The following LRRK2 variants were observed in gnomAD, a reference collection of about 807,000 sequenced individuals.
LRRK2 encodes leucine-rich repeat serine/threonine-protein kinase 2.
In LRRK2, 203 loss-of-function variants were observed where a neutral mutation model predicts 302.6. The ratio of observed to expected loss-of-function variants is 0.67; its 90% CI spans 0.60 to 0.75. LRRK2 has a LOEUF of 0.75. Ranked by LOEUF, LRRK2 falls within the 30% of genes least tolerant of loss-of-function variation. LRRK2 has a pLI of 0.00. For synonymous variants in LRRK2, 1,066 were observed against 1,031.9 expected, an observed-to-expected ratio of 1.03 and a Z score of -0.63; for missense variants, 2,830 against 2,951.0, an observed-to-expected ratio of 0.96 and a Z score of 0.95.
intron 16 of LRRK2, 141 bp from the exon 17 acceptor site, chr12:40,277,747 C>A: frequency 1.3e-6 from 1 of 754,402 alleles, no homozygotes; most frequent in Non-Finnish European, 2.1e-6. Context: ...AGGATAAATA[C>A]TTTAAAGCAC....
rs201980459 is a variant in LRRK2 at position 40,295,512 on chromosome 12, C to A, written c.2964C>A (p.Asp988Glu). 4 of 1,613,916 alleles carry A rather than the reference C, an allele frequency of 2.5e-6. No homozygotes were observed. Among genetic ancestry groups the A allele is most frequent in the South Asian group, 2.2e-5 (2 of 91,084 alleles). ...AGAGAGAATATATTACATCACTAGA[C>A]CTTTCAGCAAATGAACTAAGAGATA... is the stretch of plus-strand genomic sequence containing the variant. ...ASEREYITSL[D>E]LSANELRDID... The change falls in exon 23 of 51, where the codon GAC becomes GAA. Residue 988 changes from aspartate to glutamate, a missense_variant. Physicochemically the swap from Asp to Glu is conservative, Grantham distance 45 (BLOSUM62 2). Coordinates refer to ENST00000298910, the MANE Select transcript of LRRK2 (RefSeq NM_198578.4).
chr12:40,255,657 T>C (rs1942469025), intron 11 of LRRK2, among the ~76,000 whole-genome samples: 1 of 152,086 alleles, frequency 6.6e-6, no homozygotes, highest in African/African-American at 2.4e-5. Context: ...AACCCTGGAG[T>C]TGAGACCCAG....
intron 29 of LRRK2, 46 bp downstream of exon 29, chr12:40,308,742 T>C: frequency 1.3e-6 from 2 of 1,554,422 alleles, no homozygotes; most frequent in South Asian, 2.3e-5. Flanking sequence ...ACCATTTGTT[T>C]GGAACAGGGA....
intron 7 of LRRK2, among the ~76,000 whole-genome samples, chr12:40,244,094 A>T (rs1044238224): frequency 6.6e-6 from 1 of 152,126 alleles, no homozygotes; most frequent in Non-Finnish European, 1.5e-5. Flanking sequence ...TAAATGTTGT[A>T]TATTCCCAGT....
intron 12 of LRRK2, 63 bp from the exon 13 acceptor site, chr12:40,259,417 T>A (rs1942671158): frequency 6.2e-7 from 1 of 1,600,710 alleles, no homozygotes; most frequent in Admixed American, 1.7e-5. Context: ...TTATTTCAAT[T>A]TGGTGTTTAT....
chr12:40,275,083 G>T lies in LRRK2; in HGVS notation c.1941+90G>T. The stretch of plus-strand genomic sequence containing the variant: ...GTAATTCCCACTTTGCATGAATGGG[G>T]TATTCTAGTTAATGGAAAACCATTT... On this transcript the variant is annotated intron_variant, in intron 16 of 50. Transcript: ENST00000298910. The T allele has an allele frequency of 8.8e-6, 12 of 1,368,722 alleles. No homozygotes were observed. In the East Asian group the frequency reaches 2.5e-4, roughly 29 times the overall value. 84.8% of individuals were successfully genotyped at this position (1,368,722 alleles called of 1,614,324 possible).
At chr12:40,313,551 C>T (rs1417101894) in intron 31 of LRRK2, among the ~76,000 whole-genome samples, 1 of 151,854 alleles carries the variant, frequency 6.6e-6, no homozygotes, top group African/African-American at 2.4e-5. Context: ...AATATTTTAC[C>T]TTGAATATTT....
At chr12:40,367,207 A>G in intron 50 of LRRK2, 130 bp downstream of exon 50, 1 of 750,386 alleles carries the variant, frequency 1.3e-6, no homozygotes, top group Non-Finnish European at 2.2e-6. Context: ...GGTAGTTTAT[A>G]GTGTAAAGAA....
rs565710677 is a variant in LRRK2 at position 40,310,656 on chromosome 12, T to C, written c.4536+7T>C. ...CGAGAGCCTTAATTTCAAGGTAACA[T>C]GGTAGGCTGGTAGAGAAATGTAATT... is the stretch of plus-strand genomic sequence containing the variant. On this transcript the variant is annotated splice_region_variant and intron_variant, in intron 31 of 50. Coordinates refer to ENST00000298910, the MANE Select transcript of LRRK2 (RefSeq NM_198578.4). The C allele has an allele frequency of 1.9e-6, 3 of 1,611,598 alleles. No individual in the cohort carries two copies. Among genetic ancestry groups the C allele is most frequent in the East Asian group, 4.5e-5 (2 of 44,852 alleles).
intron 4 of LRRK2, 50 bp from the exon 5 acceptor site, chr12:40,237,919 A>G (rs1565670072): frequency 1.3e-6 from 2 of 1,574,064 alleles, no homozygotes; most frequent in Non-Finnish European, 8.7e-7. Context: ...TTAACACATT[A>G]AATGTTAAAG....
intron 31 of LRRK2, chr12:40,312,748 C>G (rs913459308): frequency 6.6e-6 from 1 of 151,888 alleles, no homozygotes; most frequent in Non-Finnish European, 1.5e-5. Context: ...GACGTAGTCC[C>G]GTAAAACTCA....
chr12:40,276,361 TCTCAG>T (rs1468592784), intron 16 of LRRK2, among the ~76,000 whole-genome samples: 2 of 152,156 alleles, frequency 1.3e-5, no homozygotes, highest in Non-Finnish European at 2.9e-5. Flanking sequence ...AGTGGCGCAG[TCTCAG>T]CTCACATCAC....
chr12:40,295,759 A>T, intron 23 of LRRK2, 115 bp downstream of exon 23: 2 of 990,298 alleles, frequency 2.0e-6, no homozygotes, highest in Non-Finnish European at 3.0e-6. Context: ...TCACTGGGTG[A>T]TAAGTCCCCC....
chr12:40,250,712 T>C (rs1450840103), intron 8 of LRRK2, among the ~76,000 whole-genome samples: 5 of 152,210 alleles, frequency 3.3e-5, no homozygotes, highest in Non-Finnish European at 7.4e-5. Context: ...CCTGTGTTCA[T>C]GTGTTCTCAT....
intron 44 of LRRK2, among the ~76,000 whole-genome samples, chr12:40,353,521 C>T (rs535044776): frequency 1.4e-5 from 2 of 143,644 alleles, no homozygotes; most frequent in Admixed American, 1.4e-4. Context: ...GCAGAGGGGG[C>T]TCCTCACATC....
chr12:40,310,699 C>T, intron 31 of LRRK2, 50 bp downstream of exon 31: 1 of 1,576,586 alleles, frequency 6.3e-7, no homozygotes, highest in Admixed American at 1.7e-5. Context: ...TCTCAACTGC[C>T]TAGAAATGTC....
chr12:40,340,201 G>C, intron 40 of LRRK2, 93 bp from the exon 41 acceptor site: 1 of 1,285,876 alleles, frequency 7.8e-7, no homozygotes, highest in Admixed American at 1.9e-5. Flanking sequence ...TTTGATGCTT[G>C]ACATAGTGGA....
chr12:40,237,956 CT>C lies in LRRK2; in HGVS notation c.437-12del, dbSNP rs1243438336. 6.2e-7 allele frequency: 1 copy of C among 1,607,412 alleles called. No individual in the cohort carries two copies. Among genetic ancestry groups the C allele is most frequent in the Non-Finnish European group, 8.5e-7 (1 of 1,175,934 alleles). On this transcript the variant is annotated splice_polypyrimidine_tract_variant and intron_variant, in intron 4 of 50. Coordinates refer to ENST00000298910, the MANE Select transcript of LRRK2 (RefSeq NM_198578.4). ...AGCTCTTTACTCAGAGCATATTATT[CT>C]CTTTAAAATAGGTAAAATCACCTTG... is the stretch of plus-strand genomic sequence containing the variant.
chr12:40,349,501 G>T (rs1946290828), intron 43 of LRRK2, among the ~76,000 whole-genome samples: 1 of 59,378 alleles, frequency 1.7e-5, no homozygotes, highest in Non-Finnish European at 5.5e-5. Context: ...TTAAGTCTTT[G>T]TATTCTTTTT....
Sources: allele counts gnomAD v4.1 joint callset (sites outside exome capture counted in the v4.1 genomes callset), GRCh38; gene constraint gnomAD v4.1.1; transcripts MANE v1.5; gene names NCBI Gene and HGNC (gene_info 2026-07-23, HGNC 2026-07-21).